The following THSD7B variants were observed in gnomAD, a reference collection of about 807,000 sequenced individuals.
THSD7B encodes thrombospondin type-1 domain-containing protein 7B.
A neutral mutation model predicts 213.6 loss-of-function variants in THSD7B; 138 were observed. That is an observed-to-expected ratio of 0.65 (90% CI 0.56 to 0.74). The LOEUF is 0.74. Ranked by LOEUF, THSD7B falls within the 30% of genes least tolerant of loss-of-function variation. The pLI, the probability that THSD7B is intolerant of heterozygous loss-of-function variation, is 0.00. For missense variants in THSD7B, 1,931 were observed against 1,991.5 expected, an observed-to-expected ratio of 0.97 and a Z score of 0.58; for synonymous variants, 742 against 687.0, an observed-to-expected ratio of 1.08 and a Z score of -1.25.
At chr2:136,865,941 G>A (rs1283798541) in intron 1 of THSD7B, among the ~76,000 whole-genome samples, 1 of 152,192 alleles carries the variant, frequency 6.6e-6, no homozygotes, top group African/African-American at 2.4e-5. Context: ...TTAAGGTGCA[G>A]CTGTGGCCAC....
intron 4 of THSD7B, among the ~76,000 whole-genome samples, chr2:137,113,659 A>T (rs1217943240): frequency 6.6e-6 from 1 of 151,614 alleles, no homozygotes; most frequent in Non-Finnish European, 1.5e-5. Context: ...CTGGTCTCGA[A>T]CTCCTGACCT....
intron 17 of THSD7B, among the ~76,000 whole-genome samples, chr2:137,608,980 A>G (rs909927291): frequency 1.1e-4 from 16 of 152,250 alleles, no homozygotes; most frequent in African/African-American, 3.9e-4. Context: ...ATTAATGATA[A>G]GAGTGCACTG....
At chr2:137,342,428 A>G (rs749060633) in intron 12 of THSD7B, among the ~76,000 whole-genome samples, 3 of 151,270 alleles carry the variant, frequency 2.0e-5, no homozygotes, top group Non-Finnish European at 3.0e-5. Context: ...AGGATTTTTC[A>G]TATATAAGAA....
chr2:137,152,465 G>A (rs1359435350), intron 5 of THSD7B, among the ~76,000 whole-genome samples: 1 of 152,144 alleles, frequency 6.6e-6, no homozygotes, highest in East Asian at 1.9e-4. Context: ...GAAGCCTGGA[G>A]TTTGTCACTT....
At chr2:136,995,253 G>A (rs1402863361) in intron 2 of THSD7B, among the ~76,000 whole-genome samples, 1 of 152,112 alleles carries the variant, frequency 6.6e-6, no homozygotes, top group Non-Finnish European at 1.5e-5. Flanking sequence ...AATATGATTT[G>A]CACCCAAAGC....
At chr2:137,265,661 A>C (rs904486037) in intron 10 of THSD7B, among the ~76,000 whole-genome samples, 2 of 152,224 alleles carry the variant, frequency 1.3e-5, no homozygotes, top group Non-Finnish European at 2.9e-5. Flanking sequence ...AATTTTAAGA[A>C]TAGCAGTGCA....
At position 136,782,377 on chromosome 2, in the gene THSD7B, G is replaced by C. The variant is rs142061680; in HGVS notation, c.-36+16690G>C. Among the ~76,000 whole-genome samples the C allele has an allele frequency of 2.3e-3, 344 of 152,152 alleles. 2 individuals are homozygous for C. Among genetic ancestry groups the C allele is most frequent in the African/African-American group, 7.9e-3 (329 of 41,488 alleles). On this transcript the variant is annotated intron_variant, in intron 1 of 27. Transcript: ENST00000409968. ...ATTGGTCTCTCTTTCCTCCTTCTTA[G>C]CTGTAACTAAGCTCTGAATTGTTTC...
At chr2:137,030,924 T>G (rs897608572) in intron 2 of THSD7B, among the ~76,000 whole-genome samples, 1 of 152,194 alleles carries the variant, frequency 6.6e-6, no homozygotes, top group South Asian at 2.1e-4. Context: ...GCTATTGAAA[T>G]AAAAGAATTC....
rs927104185 is a variant in THSD7B, at chr2:137,642,700, C to A, written c.3945+67C>A. ...ATTCGAAGCACTTGTCTGGTCAAAC[C>A]TATGCGCTGATGGAATAAATTTCAC... On this transcript the variant is annotated intron_variant, in intron 21 of 27. Transcript: ENST00000409968. 1.7e-5 allele frequency: 27 copies of A among 1,543,170 alleles called. No individual in the cohort carries two copies. The African/African-American group carries it at 3.4e-4, about 20-fold the overall frequency.
intron 12 of THSD7B, among the ~76,000 whole-genome samples, chr2:137,324,840 T>A (rs981020209): frequency 2.0e-5 from 3 of 152,214 alleles, no homozygotes; most frequent in Non-Finnish European, 4.4e-5. Context: ...AAAATCGAAC[T>A]CCATATTACT....
intron 2 of THSD7B, among the ~76,000 whole-genome samples, chr2:136,895,514 CTT>C (rs71301798): frequency 1.1e-3 from 82 of 73,920 alleles, no homozygotes; most frequent in African/African-American, 3.8e-3. Context: ...CAAGTGGAGA[CTT>C]TTTTTTTTTT....
chr2:137,635,620 G>A (rs1682818271), intron 20 of THSD7B, among the ~76,000 whole-genome samples: 1 of 151,988 alleles, frequency 6.6e-6, no homozygotes, highest in African/African-American at 2.4e-5. Flanking sequence ...CATGTTTCAG[G>A]GCCAGTTCTA....
At chr2:137,100,331 T>G (rs577358685) in intron 4 of THSD7B, among the ~76,000 whole-genome samples, 2 of 152,204 alleles carry the variant, frequency 1.3e-5, no homozygotes, top group African/African-American at 4.8e-5. Flanking sequence ...AACAGAGAAC[T>G]TCCAGTCTGT....
At chr2:137,157,683 T>G (rs938340531) in intron 5 of THSD7B, among the ~76,000 whole-genome samples, 2 of 152,160 alleles carry the variant, frequency 1.3e-5, no homozygotes, top group Non-Finnish European at 2.9e-5. Context: ...CAATCCCAGG[T>G]CCACTGCTCA....
rs1029230404 is a variant in THSD7B, at chr2:137,393,674, C to A, written c.2501-11939C>A. ...GATTTATACTCCTTTGGGTATATAC[C>A]CAGTAATGGGATGGCTGGGTCAAAT... is the stretch of plus-strand genomic sequence containing the variant. On this transcript the variant is annotated intron_variant, in intron 12 of 27. Coordinates refer to ENST00000409968, the MANE Select transcript of THSD7B (RefSeq NM_001316349.2). 1.4e-5 allele frequency among the ~76,000 whole-genome samples: 2 copies of A among 141,632 alleles called. 1 individual carries two copies. Among genetic ancestry groups the A allele is most frequent in the African/African-American group, 5.2e-5 (2 of 38,398 alleles). The allele number at this position is 141,632 out of a possible 152,430, so 92.9% of individuals were successfully genotyped here. A position where few individuals can be genotyped will look rare whatever the true frequency, so the allele number is the denominator to read the frequency against.
intron 1 of THSD7B, among the ~76,000 whole-genome samples, chr2:136,775,533 AT>A (rs1274760338): frequency 6.6e-6 from 1 of 152,116 alleles, no homozygotes; most frequent in Non-Finnish European, 1.5e-5. Flanking sequence ...ATAAAAAATT[AT>A]TTTGTTCAGG....
At chr2:136,880,442 T>C (rs1683599722) in intron 1 of THSD7B, among the ~76,000 whole-genome samples, 1 of 152,190 alleles carries the variant, frequency 6.6e-6, no homozygotes, top group African/African-American at 2.4e-5. Flanking sequence ...TATATTGCGG[T>C]AAGTTATTTT....
chr2:137,482,519 C>G lies in THSD7B; in HGVS notation c.3138+31496C>G, dbSNP rs151237128. ...CTAAACTTATTTAATCATTGAAGCC[C>G]CTACTGAGTAATCACAGAAAGTACA... On this transcript the variant is annotated intron_variant, in intron 15 of 27. Transcript: ENST00000409968. Among the ~76,000 whole-genome samples the G allele has an allele frequency of 6.5e-3, 993 of 152,166 alleles. 8 individuals carry two copies. Among genetic ancestry groups the G allele is most frequent in the African/African-American group, 0.023 (941 of 41,524 alleles).
intron 2 of THSD7B, among the ~76,000 whole-genome samples, chr2:137,035,332 T>C (rs1686755737): frequency 6.6e-6 from 1 of 152,188 alleles, no homozygotes; most frequent in Admixed American, 6.5e-5. Context: ...CAATAATTTC[T>C]GTGGCATGAG....
Sources: gnomAD v4.1 joint callset for allele counts (sites outside exome capture counted in the v4.1 genomes callset) on GRCh38, gnomAD v4.1.1 for gene constraint, MANE v1.5 for transcripts, NCBI Gene and HGNC (gene_info 2026-07-23, HGNC 2026-07-21) for gene names.